FLACC1: variants seen among roughly 807,000 people sequenced by gnomAD.
The protein encoded by FLACC1 is flagellum-associated coiled-coil domain-containing protein 1.
Under a neutral mutation model 62.8 loss-of-function variants are expected in FLACC1, and 66 were observed. The ratio of observed to expected loss-of-function variants is 1.05; its 90% confidence interval spans 0.86 to 1.29. The LOEUF is 1.29. FLACC1 is among the 50% of genes most tolerant of loss of function. The pLI, the probability that FLACC1 is intolerant of heterozygous loss-of-function variation, is 0.00. For missense variants in FLACC1, 452 were observed against 489.1 expected, an observed-to-expected ratio of 0.92 and a Z score of 0.71; for synonymous variants, 156 against 161.0, an observed-to-expected ratio of 0.97 and a Z score of 0.24.
At chr2:201,294,446 A>G (rs902142865) in intron 12 of FLACC1, among the ~76,000 whole-genome samples, 26 of 152,242 alleles carry the variant, frequency 1.7e-4, no homozygotes, top group Non-Finnish European at 2.8e-4. Context: ...ATAGATGCAG[A>G]AAAGGCCTTC....
At chr2:201,349,532 TTG>T (rs1354199666) in intron 3 of FLACC1, among the ~76,000 whole-genome samples, 1 of 152,220 alleles carries the variant, frequency 6.6e-6, no homozygotes, top group Non-Finnish European at 1.5e-5. Context: ...GGAGACTTTA[TTG>T]TGTTTCTGGC....
At chr2:201,306,679 T>C (rs78285464) in intron 11 of FLACC1, among the ~76,000 whole-genome samples, 13,591 of 152,230 alleles carry the variant, frequency 0.089, 763 homozygotes, top group Non-Finnish European at 0.13. Context: ...AAAATGATCA[T>C]TGCCTTTCAT....
At chr2:201,303,013 T>G (rs556590747) in intron 11 of FLACC1, among the ~76,000 whole-genome samples, 1 of 151,942 alleles carries the variant, frequency 6.6e-6, no homozygotes, top group East Asian at 1.9e-4. Flanking sequence ...ACATCACAAT[T>G]AAAAGAACTA....
chr2:201,289,888 C>G, intron 12 of FLACC1, 103 bp from the exon 13 acceptor site: 2 of 1,593,792 alleles, frequency 1.3e-6, no homozygotes, highest in East Asian at 4.5e-5. Flanking sequence ...ACCTGAGCTA[C>G]TTTTGCATCA....
In FLACC1 at chr2:201,352,747, G is replaced by A. The variant is rs937060921; in HGVS notation, c.-47-1296C>T. Among the ~76,000 whole-genome samples, 6 of 152,262 alleles carry A rather than the reference G, an allele frequency of 3.9e-5. No individual in the cohort carries two copies. In the East Asian group the frequency reaches 1.2e-3, roughly 29 times the overall value. ...TGAATACTGTCCCTTTCCCTATACCGCATGTCCTAATCCCTGGAAAGTGTG... is the reference window on the plus strand; with the variant it reads ...TGAATACTGTCCCTTTCCCTATACCACATGTCCTAATCCCTGGAAAGTGTG... On this transcript the variant is annotated intron_variant, in intron 1 of 14. Coordinates refer to ENST00000392257, the MANE Select transcript of FLACC1 (RefSeq NM_001127391.3).
chr2:201,336,928 C>T (rs1230064010), intron 7 of FLACC1, among the ~76,000 whole-genome samples: 2 of 152,090 alleles, frequency 1.3e-5, no homozygotes, highest in Non-Finnish European at 2.9e-5. Flanking sequence ...GTTGGCTATT[C>T]GTATGTCTTC....
chr2:201,330,768 T>G lies in FLACC1; in HGVS notation c.590A>C (p.Lys197Thr). 6.2e-7 allele frequency: 1 copy of G among 1,613,958 alleles called. No individual in the cohort carries two copies. Among genetic ancestry groups the G allele is most frequent in the Non-Finnish European group, 8.5e-7 (1 of 1,179,984 alleles). The change falls in exon 8 of 15, where the codon AAG (lysine) becomes ACG (threonine). Residue 197 changes from lysine (K) to threonine (T), a missense_variant. By Grantham distance (78) the Lys-to-Thr change is moderately conservative. Coordinates refer to ENST00000392257, the MANE Select transcript of FLACC1 (RefSeq NM_001127391.3). ...CTCTTGGGCAGCCAACTTCTCTGCCTTCAAGGCTGCTTTGTAGTTGTTCTC... is the reference window on the plus strand; with the variant it reads ...CTCTTGGGCAGCCAACTTCTCTGCCGTCAAGGCTGCTTTGTAGTTGTTCTC... The part of the protein sequence containing the change: ...ELENNYKAAL[K>T]AEKLAAQEKL...
intron 7 of FLACC1, among the ~76,000 whole-genome samples, chr2:201,336,861 C>G (rs1054732443): frequency 6.6e-6 from 1 of 151,992 alleles, no homozygotes; most frequent in Non-Finnish European, 1.5e-5. Context: ...AAGATGATAT[C>G]TTATTGTGTT....
chr2:201,331,161 G>T (rs1046936988), intron 7 of FLACC1, among the ~76,000 whole-genome samples: 1 of 151,800 alleles, frequency 6.6e-6, no homozygotes, highest in Non-Finnish European at 1.5e-5. Flanking sequence ...TAGAGACGGG[G>T]TCTTGCTATG....
intron 9 of FLACC1, among the ~76,000 whole-genome samples, chr2:201,316,654 A>G (rs1410883422): frequency 2.0e-5 from 3 of 152,180 alleles, no homozygotes; most frequent in African/African-American, 7.2e-5. Context: ...TACCAATCCT[A>G]TTAACACTAT....
intron 11 of FLACC1, among the ~76,000 whole-genome samples, chr2:201,302,305 A>C (rs1347871713): frequency 6.6e-6 from 1 of 152,224 alleles, no homozygotes; most frequent in African/African-American, 2.4e-5. Flanking sequence ...AACAGACTTT[A>C]AACCAGCAAA....
At chr2:201,325,879 A>AG (rs1218739494) in intron 9 of FLACC1, among the ~76,000 whole-genome samples, 2 of 152,174 alleles carry the variant, frequency 1.3e-5, no homozygotes, top group Non-Finnish European at 2.9e-5. Flanking sequence ...AATAAAAAAA[A>AG]CTACAGACCA....
chr2:201,344,547 A>G (rs1025135993), intron 5 of FLACC1, among the ~76,000 whole-genome samples: 1 of 152,224 alleles, frequency 6.6e-6, no homozygotes, highest in African/African-American at 2.4e-5. Flanking sequence ...GAAAATAAGA[A>G]TATGTCAGAA....
intron 9 of FLACC1, among the ~76,000 whole-genome samples, chr2:201,323,213 T>C (rs1950437931): frequency 6.6e-6 from 1 of 152,204 alleles, no homozygotes; most frequent in African/African-American, 2.4e-5. Context: ...GCTAGAGATC[T>C]AGATATCCAA....
chr2:201,301,113 C>A (rs368776570), intron 11 of FLACC1, among the ~76,000 whole-genome samples: 1 of 152,150 alleles, frequency 6.6e-6, no homozygotes, highest in Admixed American at 6.5e-5. Context: ...TTCAGATGAT[C>A]AGTAATAACA....
At position 201,330,590 on chromosome 2, in the gene FLACC1, G is replaced by A. The variant is rs575613721; in HGVS notation, c.623-68C>T. On this transcript the variant is annotated intron_variant, in intron 8 of 14. Transcript: ENST00000392257. Reference sequence around the variant, plus strand: ...TATGCACATTTTCAAATTCAAATGTGAGTTCTTCTGCACACCTTCCCCACC... The same window carrying A: ...TATGCACATTTTCAAATTCAAATGTAAGTTCTTCTGCACACCTTCCCCACC... 3.2e-6 allele frequency: 5 copies of A among 1,564,684 alleles called. No homozygotes were observed. The Admixed American group carries it at 6.9e-5, about 21-fold the overall frequency.
intron 9 of FLACC1, among the ~76,000 whole-genome samples, chr2:201,312,734 CG>C (rs59513644): frequency 0.12 from 18,738 of 152,202 alleles, 1,470 homozygotes; most frequent in African/African-American, 0.22. Flanking sequence ...AGCTCCCACT[CG>C]GATGGACAGA....
chr2:201,298,421 C>A (rs143506104), intron 12 of FLACC1, among the ~76,000 whole-genome samples: 11 of 152,258 alleles, frequency 7.2e-5, no homozygotes, highest in Middle Eastern at 3.4e-3. Flanking sequence ...CCAAACTTAC[C>A]AGGCATGCAA....
chr2:201,313,927 T>C (rs1459372434), intron 9 of FLACC1, among the ~76,000 whole-genome samples: 1 of 152,142 alleles, frequency 6.6e-6, no homozygotes, highest in Non-Finnish European at 1.5e-5. Context: ...TGGAACCTGG[T>C]AGGACTGCTG....
Sources: allele counts gnomAD v4.1 joint callset (sites outside exome capture counted in the v4.1 genomes callset), GRCh38; gene constraint gnomAD v4.1.1; transcripts MANE v1.5; gene names NCBI Gene and HGNC (gene_info 2026-07-23, HGNC 2026-07-21).